Variants in ADAM18 observed in about 807,000 individuals in gnomAD.
ADAM18 encodes the protein ADAM metallopeptidase domain 18, also known as disintegrin and metalloproteinase domain-containing protein 18.
A neutral mutation model predicts 94.4 loss-of-function variants in ADAM18; 117 were observed. That is an observed-to-expected ratio of 1.24 (90% CI 1.07 to 1.45). The LOEUF (loss-of-function observed/expected upper bound fraction) is 1.45, where lower values mean the gene tolerates loss of function less well. Among genes scored for constraint, ADAM18 ranks in the 40% most tolerant of loss-of-function variants. ADAM18 has a pLI of 0.00. For missense variants in ADAM18, 936 were observed against 880.0 expected (o/e 1.06, Z -0.81); for synonymous variants, 327 against 291.6 (o/e 1.12, Z -1.24).
At chr8:39,640,812 C>T (rs895712430) in intron 10 of ADAM18, among the ~76,000 whole-genome samples, 4 of 108,358 alleles carry the variant, frequency 3.7e-5, no homozygotes, top group African/African-American at 1.1e-4. Flanking sequence ...TTTTTGGCCA[C>T]ATATTTTTTT....
chr8:39,675,174 G>A (rs1196665823), intron 14 of ADAM18, among the ~76,000 whole-genome samples: 1 of 152,176 alleles, frequency 6.6e-6, no homozygotes, highest in Non-Finnish European at 1.5e-5. Context: ...GGCCTGTCTT[G>A]TTAGGTTGGG....
chr8:39,669,431 A>G (rs572769750), intron 14 of ADAM18, among the ~76,000 whole-genome samples: 1 of 149,770 alleles, frequency 6.7e-6, no homozygotes, highest in South Asian at 2.1e-4. Context: ...GTCATTTAGC[A>G]TTAGGTATAT....
At chr8:39,726,643 C>G (rs755023387) in intron 19 of ADAM18, among the ~76,000 whole-genome samples, 1 of 152,044 alleles carries the variant, frequency 6.6e-6, no homozygotes, top group Non-Finnish European at 1.5e-5. Context: ...TGGCAAGGAG[C>G]TTTCTCTCTA....
At position 39,663,235 on chromosome 8, in the gene ADAM18, C is replaced by T. The variant is rs186214155; in HGVS notation, c.1231-560C>T. ...GCTGATGAATATTGCTGACCAACTG[C>T]TATTTTAGATGTTATTTCTGCAGTT... On this transcript the variant is annotated intron_variant, in intron 12 of 19. Coordinates refer to ENST00000265707, the MANE Select transcript of ADAM18 (RefSeq NM_014237.3). Among the ~76,000 whole-genome samples, 5 of 152,032 alleles carry T rather than the reference C, an allele frequency of 3.3e-5. No individual in the cohort carries two copies. The East Asian group carries it at 9.7e-4, about 29-fold the overall frequency.
chr8:39,595,677 A>C (rs1302230136), intron 2 of ADAM18, among the ~76,000 whole-genome samples: 1 of 151,942 alleles, frequency 6.6e-6, no homozygotes, highest in East Asian at 1.9e-4. Context: ...GCACACCACC[A>C]TACCTGGCTA....
At chr8:39,617,099 A>C (rs1335397695) in intron 6 of ADAM18, among the ~76,000 whole-genome samples, 1 of 152,196 alleles carries the variant, frequency 6.6e-6, no homozygotes, top group African/African-American at 2.4e-5. Flanking sequence ...AATGGGAGAA[A>C]ACATTCACAA....
At chr8:39,667,864 A>G in intron 13 of ADAM18, 134 bp from the exon 14 acceptor site, 2 of 849,604 alleles carry the variant, frequency 2.4e-6, no homozygotes, top group Admixed American at 2.8e-5. Context: ...TTTTTGGCAA[A>G]CTCACGGACT....
At position 39,638,453 on chromosome 8, in the gene ADAM18, A is replaced by T. The variant is rs780607901; in HGVS notation, c.828-12A>T. On this transcript the variant is annotated splice_polypyrimidine_tract_variant and intron_variant, in intron 9 of 19. Transcript: ENST00000265707. The stretch of plus-strand genomic sequence containing the variant: ...TGCATAACTACGTTAATAAAAAATT[A>T]TAATAATGTAGTTACAGGAAACATC... 4.0e-6 allele frequency: 6 copies of T among 1,513,190 alleles called. No homozygotes were observed. The African/African-American group carries it at 7.1e-5, about 18-fold the overall frequency. 93.7% of individuals were successfully genotyped at this position (1,513,190 alleles called of 1,614,324 possible). A position where few individuals can be genotyped will look rare whatever the true frequency, so the allele number is the denominator to read the frequency against.
chr8:39,663,930 G>T (rs752395727), intron 13 of ADAM18, 40 bp downstream of exon 13: 1 of 1,323,244 alleles, frequency 7.6e-7, no homozygotes, highest in Non-Finnish European at 1.1e-6. Context: ...TTGAACTGTG[G>T]TAAGAGACGT....
intron 19 of ADAM18, among the ~76,000 whole-genome samples, chr8:39,728,224 G>T (rs1222502667): frequency 1.3e-5 from 2 of 152,124 alleles, no homozygotes; most frequent in Non-Finnish European, 2.9e-5. Context: ...TTATAATCCA[G>T]CATGAGATTT....
At chr8:39,630,665 A>G (rs978308141) in intron 7 of ADAM18, among the ~76,000 whole-genome samples, 1 of 151,942 alleles carries the variant, frequency 6.6e-6, no homozygotes, top group Non-Finnish European at 1.5e-5. Flanking sequence ...GAATACCACA[A>G]TTTGGTGCTA....
chr8:39,643,121 G>A (rs1820279785), intron 10 of ADAM18, among the ~76,000 whole-genome samples: 1 of 151,974 alleles, frequency 6.6e-6, no homozygotes, highest in Non-Finnish European at 1.5e-5. Context: ...AGTGATTTTT[G>A]CATATGATTT....
intron 14 of ADAM18, among the ~76,000 whole-genome samples, chr8:39,669,490 G>C (rs1267488653): frequency 2.2e-4 from 23 of 106,668 alleles, no homozygotes; most frequent in Non-Finnish European, 3.3e-4. Context: ...ACAGTCCCCA[G>C]TGTGTGATGT....
chr8:39,607,244 T>G (rs73605931), intron 3 of ADAM18, among the ~76,000 whole-genome samples: 5,432 of 152,318 alleles, frequency 0.036, 249 homozygotes, highest in African/African-American at 0.11. Context: ...AGAGCCCTCA[T>G]GTTTTCTCAG....
chr8:39,635,360 A>G (rs897682021), intron 7 of ADAM18, among the ~76,000 whole-genome samples: 1 of 152,180 alleles, frequency 6.6e-6, no homozygotes, highest in Non-Finnish European at 1.5e-5. Flanking sequence ...TATTTGTAGT[A>G]TCAGCATTTC....
intron 12 of ADAM18, among the ~76,000 whole-genome samples, chr8:39,656,424 A>C (rs1820686571): frequency 6.6e-6 from 1 of 152,154 alleles, no homozygotes; most frequent in Admixed American, 6.5e-5. Flanking sequence ...GGGACAATTC[A>C]ATATACATAA....
chr8:39,585,651 G>A (rs938754949), intron 2 of ADAM18, among the ~76,000 whole-genome samples: 5 of 152,068 alleles, frequency 3.3e-5, no homozygotes, highest in African/African-American at 1.2e-4. Flanking sequence ...CCATGGTTCA[G>A]CCAACAAATT....
chr8:39,633,954 A>C (rs921561329), intron 7 of ADAM18, among the ~76,000 whole-genome samples: 1 of 152,106 alleles, frequency 6.6e-6, no homozygotes, highest in Non-Finnish European at 1.5e-5. Context: ...GCTATTTATC[A>C]ACACAAGAGC....
chr8:39,648,346 G>T lies in ADAM18; in HGVS notation c.1049G>T (p.Ser350Ile). The stretch of plus-strand genomic sequence containing the variant: ...TGAGGAATATTATTTTATTTTAGGA[G>T]TGCCAGTGGTAGAAAGATTTTTAGC... ...ATCIMNHEAV[S>I]ASGRKIFSNC... Residue 350 changes from serine (S) to isoleucine (I), a missense_variant and splice_region_variant, in exon 12 of 20, where the codon AGT (serine) becomes ATT (isoleucine). Ser to Ile is a moderately radical substitution (Grantham distance 142). Transcript: ENST00000265707. 5 of 1,586,898 alleles carry T rather than the reference G, an allele frequency of 3.2e-6. No individual in the cohort carries two copies. The highest frequency in any genetic ancestry group is 3.4e-6 in the Non-Finnish European group (4 of 1,166,996).
Sources: gnomAD v4.1 joint callset for allele counts (sites outside exome capture counted in the v4.1 genomes callset) on GRCh38, gnomAD v4.1.1 for gene constraint, MANE v1.5 for transcripts, NCBI Gene and HGNC (gene_info 2026-07-23, HGNC 2026-07-21) for gene names.